The following EDNRB variants were observed in gnomAD, a reference collection of about 807,000 sequenced individuals.
EDNRB encodes the protein Hirschsprung disease 2.
EDNRB carries 18 observed loss-of-function variants against 46.4 expected under a neutral mutation model. That is an observed-to-expected ratio of 0.39 (90% confidence interval 0.27 to 0.57). The LOEUF (loss-of-function observed/expected upper bound fraction) is 0.57, where lower values mean the gene tolerates loss of function less well. Among genes scored for constraint, EDNRB ranks in the 20% least tolerant of loss-of-function variants. The probability of loss-of-function intolerance (pLI) is 0.61; values close to 1 mark genes in which losing one functional copy is unlikely to be tolerated. For synonymous variants in EDNRB, 213 were observed against 204.9 expected (o/e 1.04, Z -0.34); for missense variants, 434 against 537.5 (o/e 0.81, Z 1.90).
intron 1 of EDNRB, among the ~76,000 whole-genome samples, chr13:77,966,688 C>A (rs1007788858): frequency 2.0e-5 from 3 of 152,142 alleles, no homozygotes; most frequent in Non-Finnish European, 2.9e-5. Flanking sequence ...AAATTTGGAA[C>A]TTCTTTTGCG....
chr13:77,947,932 A>G (rs1172126594), intron 1 of EDNRB, among the ~76,000 whole-genome samples: 1 of 152,030 alleles, frequency 6.6e-6, no homozygotes, highest in African/African-American at 2.4e-5. Context: ...GAAACTTTCT[A>G]AATAGATCTC....
intron 1 of EDNRB, among the ~76,000 whole-genome samples, chr13:77,963,253 G>A (rs1375346751): frequency 6.6e-6 from 1 of 152,146 alleles, no homozygotes; most frequent in African/African-American, 2.4e-5. Context: ...TTTCTTCACA[G>A]AATTGGAAAA....
chr13:77,931,772 A>AAC (rs1880416291), intron 1 of EDNRB, among the ~76,000 whole-genome samples: 8 of 142,992 alleles, frequency 5.6e-5, no homozygotes, highest in Admixed American at 2.2e-4. Context: ...AAAAAAAAAA[A>AAC]AACAAAAAAA....
At chr13:77,959,733 C>T (rs550767528) in intron 1 of EDNRB, among the ~76,000 whole-genome samples, 20 of 152,298 alleles carry the variant, frequency 1.3e-4, no homozygotes, top group African/African-American at 3.8e-4. Context: ...GATGATCAAA[C>T]TTCTCCGAGC....
At chr13:77,902,288 T>A (rs946134200) in intron 3 of EDNRB, among the ~76,000 whole-genome samples, 1 of 151,922 alleles carries the variant, frequency 6.6e-6, no homozygotes, top group African/African-American at 2.4e-5. Context: ...TCAGTCCTTA[T>A]GGGGCTGTAG....
chr13:77,933,054 TG>T (rs1880448229), intron 1 of EDNRB, among the ~76,000 whole-genome samples: 1 of 152,268 alleles, frequency 6.6e-6, no homozygotes, highest in East Asian at 1.9e-4. Context: ...GTTGATGACA[TG>T]GGCTATTTTG....
intron 1 of EDNRB, chr13:77,939,414 T>C (rs1241439013): frequency 6.6e-6 from 1 of 152,258 alleles, no homozygotes; most frequent in Non-Finnish European, 1.5e-5. Flanking sequence ...TTTGGCACTT[T>C]AAACTTGTTT....
intron 1 of EDNRB, among the ~76,000 whole-genome samples, chr13:77,953,207 T>C (rs1387134366): frequency 6.6e-6 from 1 of 152,174 alleles, no homozygotes; most frequent in Non-Finnish European, 1.5e-5. Context: ...AGTTTTGAGA[T>C]GACAAAGAGC....
intron 1 of EDNRB, among the ~76,000 whole-genome samples, chr13:77,907,454 C>T (rs993652035): frequency 6.6e-6 from 1 of 151,872 alleles, no homozygotes; most frequent in Admixed American, 6.6e-5. Flanking sequence ...AATTATGGGA[C>T]TTCTTAGCCT....
chr13:77,960,607 T>C (rs990969614), intron 1 of EDNRB, among the ~76,000 whole-genome samples: 7 of 152,124 alleles, frequency 4.6e-5, no homozygotes, highest in Non-Finnish European at 7.3e-5. Context: ...AGACCATCGA[T>C]GCTAGGAAGA....
intron 1 of EDNRB, among the ~76,000 whole-genome samples, chr13:77,955,425 A>T (rs1881207321): frequency 6.6e-6 from 1 of 152,058 alleles, no homozygotes; most frequent in South Asian, 2.1e-4. Flanking sequence ...GTTGGTTCCC[A>T]TTTTATTTTT....
chr13:77,972,925 A>G (rs1881778309), intron 1 of EDNRB, among the ~76,000 whole-genome samples: 1 of 152,154 alleles, frequency 6.6e-6, no homozygotes, highest in African/African-American at 2.4e-5. Context: ...CTGTATGAAC[A>G]GCAGCCTTGG....
chr13:77,972,100 C>T (rs540902383), intron 1 of EDNRB, among the ~76,000 whole-genome samples: 16 of 152,300 alleles, frequency 1.1e-4, no homozygotes, highest in Middle Eastern at 3.4e-3. Context: ...AGCTGGATGG[C>T]CCTTGGGGGC....
chr13:77,963,951 C>G (rs1276591200), intron 1 of EDNRB, among the ~76,000 whole-genome samples: 16 of 151,900 alleles, frequency 1.1e-4, no homozygotes, highest in Non-Finnish European at 1.6e-4. Flanking sequence ...CCATCAAAAA[C>G]TGGGTGAAGG....
upstream of EDNRB, among the ~76,000 whole-genome samples, chr13:77,920,717 G>A (rs139537872): frequency 3.8e-3 from 580 of 152,298 alleles, 4 homozygotes; most frequent in African/African-American, 0.013. Flanking sequence ...TCCAAATCTG[G>A]CTATTTTGAA....
intron 1 of EDNRB, among the ~76,000 whole-genome samples, chr13:77,941,878 G>A (rs1880758693): frequency 6.6e-6 from 1 of 152,196 alleles, no homozygotes; most frequent in Admixed American, 6.5e-5. Context: ...TATAGGAGAT[G>A]TTTAGTATTT....
intron 1 of EDNRB, among the ~76,000 whole-genome samples, chr13:77,962,522 CAT>C (rs1226362433): frequency 6.6e-6 from 1 of 152,178 alleles, no homozygotes; most frequent in Non-Finnish European, 1.5e-5. Context: ...ACAAAAACCA[CAT>C]GATTATCACA....
chr13:77,960,665 C>G (rs1449624003), intron 1 of EDNRB, among the ~76,000 whole-genome samples: 2 of 152,116 alleles, frequency 1.3e-5, no homozygotes, highest in Admixed American at 6.6e-5. Context: ...TCATAATTGG[C>G]AGGATCAAAT....
chr13:77,975,240 A>C (rs1180446233), intron 1 of EDNRB: 3 of 152,330 alleles, frequency 2.0e-5, no homozygotes, highest in Non-Finnish European at 4.4e-5. Flanking sequence ...AATTCAAACC[A>C]AGTCAAAACC....
Sources: allele counts gnomAD v4.1 joint callset (sites outside exome capture counted in the v4.1 genomes callset), GRCh38; gene constraint gnomAD v4.1.1; transcripts MANE v1.5; gene names NCBI Gene and HGNC (gene_info 2026-07-23, HGNC 2026-07-21).